The following NFKBID variants were observed in gnomAD, a reference collection of about 807,000 sequenced individuals.
The protein encoded by NFKBID is NFKB inhibitor delta.
A neutral mutation model predicts 53.4 loss-of-function variants in NFKBID; 26 were observed. That is an observed-to-expected ratio of 0.49 (90% CI 0.36 to 0.68). The LOEUF (loss-of-function observed/expected upper bound fraction) is 0.68, where lower values mean the gene tolerates loss of function less well. Among genes scored for constraint, NFKBID ranks in the 30% least tolerant of loss-of-function variants. The pLI, the probability that NFKBID is intolerant of heterozygous loss-of-function variation, is 0.00. For missense variants in NFKBID, 493 were observed against 614.1 expected (o/e 0.80, Z 2.08); for synonymous variants, 262 against 259.8 (o/e 1.01, Z -0.08).
At position 35,890,500 on chromosome 19, in the gene NFKBID, A is replaced by G; in HGVS notation, c.1033-10T>C. ...TGTTGCTCTTGATCTCCTGAGGGGAAGGGAATGGCAGAGGTCAGGGCCAGC... is the reference window on the plus strand; with the variant it reads ...TGTTGCTCTTGATCTCCTGAGGGGAGGGGAATGGCAGAGGTCAGGGCCAGC... On this transcript the variant is annotated splice_polypyrimidine_tract_variant and intron_variant, in intron 9 of 11. Coordinates refer to ENST00000641389, the Ensembl canonical transcript of NFKBID. 6.3e-7 allele frequency: 1 copy of G among 1,592,060 alleles called. No individual in the cohort carries two copies. The highest frequency in any genetic ancestry group is 1.1e-5 in the South Asian group (1 of 90,630).
chr19:35,891,910 T>G (rs1307813365), intron 9 of NFKBID, among the ~76,000 whole-genome samples: 3 of 151,686 alleles, frequency 2.0e-5, no homozygotes, highest in Non-Finnish European at 4.4e-5. Context: ...TGAGACAGGG[T>G]CTCGCTCTGT....
upstream of NFKBID, chr19:35,902,100 A>G (rs529128185): frequency 2.7e-5 from 19 of 696,186 alleles, 1 homozygote; most frequent in South Asian, 2.4e-4. Context: ...AAATGCAGTG[A>G]GGTTATTCAG....
At chr19:35,898,315 C>T (rs536183856) in intron 3 of NFKBID, among the ~76,000 whole-genome samples, 157 bp downstream of exon 3, 1 of 151,542 alleles carries the variant, frequency 6.6e-6, no homozygotes, top group South Asian at 2.1e-4. Context: ...CCACTGCACT[C>T]CAGTGCCAGG....
downstream of NFKBID, chr19:35,888,050 G>T (rs549371788): frequency 2.1e-4 from 33 of 153,960 alleles, no homozygotes; most frequent in South Asian, 6.3e-3. Flanking sequence ...GCCCAGCTGA[G>T]CTCTGAATCA....
chr19:35,896,266 C>T lies in NFKBID; in HGVS notation c.835G>A (p.Val279Met). 5 of 1,614,198 alleles carry T rather than the reference C, an allele frequency of 3.1e-6. No homozygotes were observed. The highest frequency in any genetic ancestry group is 3.4e-6 in the Non-Finnish European group (4 of 1,180,036). Residue 279 changes from valine to methionine, a missense_variant, in exon 8 of 12, where the codon GTG becomes ATG. Around this residue, in one of 2 missense-constraint regions of NFKBID, gnomAD observed 267 missense variants for 384.6 expected, o/e 0.69. Coordinates refer to ENST00000641389, the Ensembl canonical transcript of NFKBID. The surrounding 1 kb of genome is among the most constrained non-coding windows in gnomAD (Gnocchi z 5.7). ...TCAACCTGGACCCCAGAGTTAAGCACAGCCTGGGAGGAAGAGAAGGCAGAC... is the reference window on the plus strand; with the variant it reads ...TCAACCTGGACCCCAGAGTTAAGCATAGCCTGGGAGGAAGAGAAGGCAGAC...
rs749926360 is a variant in NFKBID at position 35,896,676 on chromosome 19, C to T, written c.684+50G>A. The T allele has an allele frequency of 1.3e-6, 2 of 1,581,692 alleles. No individual in the cohort carries two copies. Among genetic ancestry groups the T allele is most frequent in the Non-Finnish European group, 1.7e-6 (2 of 1,154,372 alleles). ...CTCTAGGATCCAGGGGTCCAGGCCC[C>T]AGGCTCCTTCCTCCCCTGAACCCAG... On this transcript the variant is annotated intron_variant, in intron 6 of 11. Transcript: ENST00000641389. This position sits in a 1 kb window ranked among gnomAD's most constrained non-coding sequence, Gnocchi z 5.7.
rs1275991349 is a variant in NFKBID at position 35,896,840 on chromosome 19, A to G, written c.579-9T>C. 1 of 1,614,078 alleles carries G rather than the reference A, an allele frequency of 6.2e-7. No individual in the cohort carries two copies. The highest frequency in any genetic ancestry group is 1.1e-5 in the South Asian group (1 of 91,080). ...CAAACAGGTGAAGGAGCCTGAGGAC[A>G]GGTGGGGGACAGCCGTGAGAACAGC... On this transcript the variant is annotated splice_polypyrimidine_tract_variant and intron_variant, in intron 5 of 11. Coordinates refer to ENST00000641389, the Ensembl canonical transcript of NFKBID. This position sits in a 1 kb window ranked among gnomAD's most constrained non-coding sequence, Gnocchi z 5.7.
At chr19:35,902,282 A>T, upstream of NFKBID, 1 of 707,804 alleles carries the variant, frequency 1.4e-6, no homozygotes, top group Non-Finnish European at 2.6e-6. Context: ...ACACACCCAC[A>T]TTCATTTAAT....
Position 35,896,770 on chromosome 19 carries a change from G to A in NFKBID, c.640C>T (p.Leu214Phe), listed in dbSNP as rs368262811. Residue 214 changes from leucine (L) to phenylalanine (F), a missense_variant, in exon 6 of 12, where the codon CTC (leucine) becomes TTC (phenylalanine). Leu to Phe is a conservative substitution (Grantham distance 22). Around this residue, in one of 2 missense-constraint regions of NFKBID, gnomAD observed 267 missense variants for 384.6 expected, o/e 0.69. Coordinates refer to ENST00000641389, the Ensembl canonical transcript of NFKBID. This position sits in a 1 kb window ranked among gnomAD's most constrained non-coding sequence, Gnocchi z 5.7. The stretch of plus-strand genomic sequence containing the variant: ...ATGTCAAGACGCCGGTACACCTGGA[G>A]CACCTCAGCCGCAGCATATGCCGCC... 1.9e-6 allele frequency: 3 copies of A among 1,613,852 alleles called. No homozygotes were observed. In the African/African-American group the frequency reaches 4.0e-5, roughly 22 times the overall value.
At chr19:35,900,827 C>CTTTCT (rs1975529581), upstream of NFKBID, among the ~76,000 whole-genome samples, 57 of 107,562 alleles carry the variant, frequency 5.3e-4, no homozygotes, top group African/African-American at 1.8e-3. Flanking sequence ...TTTTTCTTTT[C>CTTTCT]TTTTTTTTTT....
chr19:35,892,366 T>TA (rs910379861), intron 9 of NFKBID, among the ~76,000 whole-genome samples: 24 of 151,994 alleles, frequency 1.6e-4, no homozygotes, highest in African/African-American at 5.5e-4. Flanking sequence ...TTCTTATTTT[T>TA]AAAAAACTTA....
rs762314400 is a variant in NFKBID at position 35,895,954 on chromosome 19, G to T, written c.1032+26C>A. On this transcript the variant is annotated intron_variant, in intron 9 of 11. Coordinates refer to ENST00000641389, the Ensembl canonical transcript of NFKBID. ...GCCCCATTCCACACAATCTCCCAGG[G>T]TCTGACCGCCCACATCCCCGCTCAC... The T allele has an allele frequency of 6.9e-6, 11 of 1,601,888 alleles. No individual in the cohort carries two copies. In the South Asian group the frequency reaches 1.2e-4, roughly 18 times the overall value.
upstream of NFKBID, chr19:35,901,664 GC>G: frequency 6.4e-6 from 1 of 156,360 alleles, no homozygotes; most frequent in Non-Finnish European, 1.4e-5. Context: ...TGAGATCTCG[GC>G]TCACTGCAAC....
Position 35,896,796 on chromosome 19 carries a change from C to A in NFKBID, c.614G>T (p.Trp205Leu). ...CACCTCAGCCGCAGCATATGCCGCCCAGCGCAGCCCCCGAGCCGCAAACAG... is the reference window on the plus strand; with the variant it reads ...CACCTCAGCCGCAGCATATGCCGCCAAGCGCAGCCCCCGAGCCGCAAACAG... Residue 205 changes from tryptophan (W) to leucine (L), a missense_variant, in exon 6 of 12, where the codon TGG becomes TTG. By Grantham distance (61) the Trp-to-Leu change is moderately conservative. This residue lies in a region of NFKBID where 267 missense variants were observed against 384.6 expected (regional missense o/e 0.69). Coordinates refer to ENST00000641389, the Ensembl canonical transcript of NFKBID. This position sits in a 1 kb window ranked among gnomAD's most constrained non-coding sequence, Gnocchi z 5.7. The A allele has an allele frequency of 6.2e-7, 1 of 1,614,008 alleles. No homozygotes were observed. The highest frequency in any genetic ancestry group is 1.3e-5 in the African/African-American group (1 of 75,038).
chr19:35,897,017 T>C, exon 5 of NFKBID: 1 of 1,606,446 alleles, frequency 6.2e-7, no homozygotes. Context: ...CGGGGAACTG[T>C]GGGGGTCCTG....
chr19:35,890,326 C>A (rs751357706), intron 10 of NFKBID, 48 bp downstream of exon 10: 16 of 1,319,480 alleles, frequency 1.2e-5, no homozygotes, highest in South Asian at 2.4e-5. Context: ...CCCACTGCCC[C>A]CCCTACCGTA....
upstream of NFKBID, chr19:35,901,921 G>GA (rs775038178): frequency 7.7e-5 from 38 of 495,032 alleles, no homozygotes; most frequent in Non-Finnish European, 1.3e-4. Flanking sequence ...CCATTTCCCT[G>GA]GCAAAGTTCC....
At chr19:35,900,567 T>A in exon 1 of NFKBID, 1 of 1,231,410 alleles carries the variant, frequency 8.1e-7, no homozygotes, top group Non-Finnish European at 1.0e-6. Context: ...CCCGCGAGTT[T>A]TTAAACTAGG....
chr19:35,901,856 G>A, upstream of NFKBID: 2 of 347,838 alleles, frequency 5.7e-6, no homozygotes, highest in Non-Finnish European at 1.1e-5. Flanking sequence ...CCACTGCGGT[G>A]GCCTCTCCCC....
Sources: gnomAD v4.1 joint callset for allele counts (sites outside exome capture counted in the v4.1 genomes callset) on GRCh38, gnomAD v4.1.1 for gene constraint, gnomAD v4.1.1 regional missense constraint, Gnocchi (gnomAD v3.1) non-coding constraint, MANE v1.5 for transcripts, NCBI Gene and HGNC (gene_info 2026-07-23, HGNC 2026-07-21) for gene names.